The following KCNT1 variants were observed in gnomAD, a reference collection of about 807,000 sequenced individuals.
KCNT1 encodes potassium channel subfamily T member 1.
A neutral mutation model predicts 147.8 loss-of-function variants in KCNT1; 78 were observed. The ratio of observed to expected loss-of-function variants is 0.53; its 90% CI spans 0.44 to 0.64. The LOEUF (loss-of-function observed/expected upper bound fraction) is 0.64, where lower values mean the gene tolerates loss of function less well. KCNT1 is among the 30% of genes least tolerant of loss of function. The probability of loss-of-function intolerance (pLI) is 0.00; values close to 1 mark genes in which losing one functional copy is unlikely to be tolerated. For synonymous variants in KCNT1, 867 were observed against 748.8 expected, an observed-to-expected ratio of 1.16 and a Z score of -2.58; for missense variants, 1,419 against 1,750.3, an observed-to-expected ratio of 0.81 and a Z score of 3.38.
rs544218059 is a variant in KCNT1, at chr9:135,722,261, GCGTCCCCTGGGGCTGCATCCCC to G, written c.254+7548_254+7569del. ...GGGAGACCCTGAGAGGGCGAATCCCGCGTCCCCTGGGGCTGCATCCCCCGTCCCACCCCTGGGGCCGGCACAG... is the reference window on the plus strand; with the variant it reads ...GGGAGACCCTGAGAGGGCGAATCCCGCGTCCCACCCCTGGGGCCGGCACAG... On this transcript the variant is annotated intron_variant, in intron 2 of 30. Transcript: ENST00000371757. 8.1e-4 allele frequency among the ~76,000 whole-genome samples: 123 copies of G among 152,266 alleles called. No individual in the cohort carries two copies. In the South Asian group the frequency reaches 8.7e-3, roughly 11 times the overall value.
At chr9:135,724,179 G>T (rs1588268217) in intron 2 of KCNT1, among the ~76,000 whole-genome samples, 2 of 152,368 alleles carry the variant, frequency 1.3e-5, no homozygotes, top group East Asian at 3.9e-4. Context: ...GTCCAGGCCA[G>T]CCTCAGGGTC....
intron 12 of KCNT1, 59 bp downstream of exon 12, chr9:135,765,254 C>T (rs1248177901): frequency 6.6e-7 from 1 of 1,519,872 alleles, no homozygotes; most frequent in Non-Finnish European, 9.1e-7. Flanking sequence ...GAGACGCCAT[C>T]CTCTCCCCAG....
intron 2 of KCNT1, among the ~76,000 whole-genome samples, chr9:135,732,012 A>AGGGAGG (rs1406177989): frequency 8.9e-6 from 1 of 112,680 alleles, no homozygotes; most frequent in South Asian, 3.5e-4. Context: ...AGAGAGAGAG[A>AGGGAGG]GAGAGAGAGA....
chr9:135,761,341 C>G (rs942235691), intron 11 of KCNT1, among the ~76,000 whole-genome samples: 1 of 152,190 alleles, frequency 6.6e-6, no homozygotes, highest in African/African-American at 2.4e-5. Context: ...GTTCTCCCCT[C>G]TGACGCCTGC....
intron 2 of KCNT1, among the ~76,000 whole-genome samples, chr9:135,725,276 C>G (rs111372515): frequency 4.5e-3 from 686 of 152,338 alleles, no homozygotes; most frequent in African/African-American, 0.015. Context: ...TTCCTGTCCT[C>G]CCAGAACCCC....
chr9:135,760,393 GCCTCCGACA>G (rs1831837173), intron 11 of KCNT1, among the ~76,000 whole-genome samples: 1 of 152,208 alleles, frequency 6.6e-6, no homozygotes, highest in South Asian at 2.1e-4. Context: ...GGCCTGGACT[GCCTCCGACA>G]CCTCCTCCAG....
chr9:135,784,683 C>T, intron 26 of KCNT1, 65 bp downstream of exon 26: 2 of 1,608,676 alleles, frequency 1.2e-6, no homozygotes, highest in Middle Eastern at 1.7e-4. Flanking sequence ...GGATGGGCAC[C>T]TGCCCCTGAT....
At chr9:135,707,752 C>T (rs1435101023) in intron 1 of KCNT1, among the ~76,000 whole-genome samples, 4 of 152,188 alleles carry the variant, frequency 2.6e-5, no homozygotes, top group Non-Finnish European at 5.9e-5. Flanking sequence ...CCCACAGCCT[C>T]GCCTGGGGCC....
rs1200207618 is a variant in KCNT1, at chr9:135,714,470, C to T, written c.111-107C>T. The T allele has an allele frequency of 3.9e-6, 3 of 764,876 alleles. No homozygotes were observed. In the East Asian group the frequency reaches 4.1e-4, roughly 106 times the overall value. The allele number at this position is 764,876 out of a possible 1,614,324, so 47.4% of individuals were successfully genotyped here. On this transcript the variant is annotated intron_variant, in intron 1 of 30. Transcript: ENST00000371757. The surrounding 1 kb of genome is among the most constrained non-coding windows in gnomAD (Gnocchi z 6.2). Reference sequence around the variant, plus strand: ...GGCCGCCCGCCCGCCCGGTGGGTCGCGGTGGCCGCGGGCTGCGCTGCGCGG... The same window carrying T: ...GGCCGCCCGCCCGCCCGGTGGGTCGTGGTGGCCGCGGGCTGCGCTGCGCGG...
At chr9:135,788,776 G>T (rs965360619) in intron 29 of KCNT1, among the ~76,000 whole-genome samples, 2 of 152,184 alleles carry the variant, frequency 1.3e-5, no homozygotes, top group East Asian at 1.9e-4. Flanking sequence ...GAGCAGAGCC[G>T]CTCCACACCC....
rs186131241 is a variant in KCNT1, at chr9:135,781,667, T to C, written c.2841+2197T>C. ...AAAAAAAAAAAAATTGAAGAAAAGT[T>C]ACCCCAAATCCCTGCAGCCAACATC... On this transcript the variant is annotated intron_variant, in intron 24 of 30. Transcript: ENST00000371757. 4.0e-5 allele frequency among the ~76,000 whole-genome samples: 6 copies of C among 151,468 alleles called. No individual in the cohort carries two copies. The East Asian group carries it at 1.2e-3, about 29-fold the overall frequency.
intron 1 of KCNT1, among the ~76,000 whole-genome samples, chr9:135,712,506 C>T (rs1835543825): frequency 6.6e-6 from 1 of 152,096 alleles, no homozygotes; most frequent in East Asian, 1.9e-4. Flanking sequence ...TGTTCCAGTT[C>T]CACCTGAACC....
chr9:135,748,839 C>T (rs774660557), intron 2 of KCNT1, among the ~76,000 whole-genome samples: 3 of 152,216 alleles, frequency 2.0e-5, no homozygotes, highest in Non-Finnish European at 2.9e-5. Flanking sequence ...CTGAGGGAGG[C>T]GGGGCACCTC....
intron 2 of KCNT1, among the ~76,000 whole-genome samples, chr9:135,729,877 C>T (rs535384113): frequency 8.5e-4 from 130 of 152,308 alleles, no homozygotes; most frequent in African/African-American, 2.9e-3. Context: ...GCCAGCCCAA[C>T]CCCACCACTG....
intron 2 of KCNT1, among the ~76,000 whole-genome samples, chr9:135,748,980 C>T (rs993462292): frequency 3.3e-5 from 5 of 152,206 alleles, no homozygotes; most frequent in Non-Finnish European, 7.3e-5. Context: ...CCATGGAGGA[C>T]AGCCCAGCAC....
In KCNT1 at chr9:135,784,606, G is replaced by A. The variant is rs368875875; in HGVS notation, c.3015G>A (p.Gly1005=). The A allele has an allele frequency of 1.9e-6, 3 of 1,610,108 alleles. No individual in the cohort carries two copies. Among genetic ancestry groups the A allele is most frequent in the Middle Eastern group, 1.9e-4 (1 of 5,384 alleles). ...LLGLDTTPGS[G]YLCAMKITEG... ...GCCTGGACACCACGCCGGGCTCGGGGTACCTCTGTGCCGTAAGTGCCCCTG... is the reference window on the plus strand; with the variant it reads ...GCCTGGACACCACGCCGGGCTCGGGATACCTCTGTGCCGTAAGTGCCCCTG... The change falls in exon 26 of 31, where the codon GGG becomes GGA. Residue 1005 remains glycine (G), a synonymous_variant. Transcript: ENST00000371757.
At chr9:135,764,344 C>G (rs1832111848) in intron 11 of KCNT1, among the ~76,000 whole-genome samples, 2 of 152,184 alleles carry the variant, frequency 1.3e-5, no homozygotes, top group Non-Finnish European at 1.5e-5. Context: ...CCTAGAATCC[C>G]AGCTACTCAG....
chr9:135,784,456 C>T (rs866402384), intron 25 of KCNT1, 79 bp from the exon 26 acceptor site: 105 of 1,061,930 alleles, frequency 9.9e-5, no homozygotes, highest in Middle Eastern at 8.9e-4. Flanking sequence ...CTGTGTCCCA[C>T]GCCCGTGCCC....
chr9:135,724,403 G>C (rs1836045885), intron 2 of KCNT1, among the ~76,000 whole-genome samples: 1 of 152,258 alleles, frequency 6.6e-6, no homozygotes, highest in South Asian at 2.1e-4. Flanking sequence ...GCCAACGGGG[G>C]CAGGCACAGC....
Sources: gnomAD v4.1 joint callset for allele counts (sites outside exome capture counted in the v4.1 genomes callset) on GRCh38, gnomAD v4.1.1 for gene constraint, Gnocchi (gnomAD v3.1) non-coding constraint, MANE v1.5 for transcripts, NCBI Gene and HGNC (gene_info 2026-07-23, HGNC 2026-07-21) for gene names.